The following ZDHHC14 variants were observed in gnomAD, a reference collection of about 807,000 sequenced individuals.
ZDHHC14 encodes zDHHC palmitoyltransferase 14.
A neutral mutation model predicts 47.7 loss-of-function variants in ZDHHC14; 16 were observed. The observed-to-expected ratio is 0.34, with a 90% CI of 0.23 to 0.51. The LOEUF is 0.51. Ranked by LOEUF, ZDHHC14 falls within the 20% of genes least tolerant of loss-of-function variation. The probability of loss-of-function intolerance (pLI) is 0.97; values close to 1 mark genes in which losing one functional copy is unlikely to be tolerated. For synonymous variants in ZDHHC14, 293 were observed against 278.9 expected (o/e 1.05, Z -0.50); for missense variants, 515 against 662.5 (o/e 0.78, Z 2.44).
intron 2 of ZDHHC14, among the ~76,000 whole-genome samples, chr6:157,587,288 T>C (rs1783731080): frequency 6.6e-6 from 1 of 152,220 alleles, no homozygotes. Flanking sequence ...CCTGACCTTA[T>C]CTTTGATGGA....
chr6:157,601,657 A>C (rs1375201601), intron 3 of ZDHHC14, among the ~76,000 whole-genome samples: 1 of 152,228 alleles, frequency 6.6e-6, no homozygotes, highest in East Asian at 1.9e-4. Context: ...AACAACAAAC[A>C]ATAACATTTC....
chr6:157,452,690 A>AT (rs747862336), intron 1 of ZDHHC14, among the ~76,000 whole-genome samples: 2,516 of 72,966 alleles, frequency 0.034, 404 homozygotes, highest in African/African-American at 0.066. Flanking sequence ...ATACATGGGG[A>AT]TTTTTTTTTT....
chr6:157,518,907 C>T (rs984852448), intron 1 of ZDHHC14, among the ~76,000 whole-genome samples: 1 of 152,234 alleles, frequency 6.6e-6, no homozygotes, highest in Non-Finnish European at 1.5e-5. Context: ...GTGGGGCACA[C>T]AAACGCTACA....
intron 1 of ZDHHC14, among the ~76,000 whole-genome samples, chr6:157,440,862 T>C (rs1778548239): frequency 1.3e-5 from 2 of 152,258 alleles, no homozygotes; most frequent in South Asian, 4.1e-4. Flanking sequence ...TCTTTTGAGA[T>C]GGTGAAACTG....
chr6:157,517,060 G>A (rs143148526), intron 1 of ZDHHC14, among the ~76,000 whole-genome samples: 1,648 of 152,234 alleles, frequency 0.011, 18 homozygotes, highest in Non-Finnish European at 0.018. Flanking sequence ...GGTTGTACCC[G>A]GGAAGCAGAC....
At chr6:157,567,007 T>G (rs1327661421) in intron 2 of ZDHHC14, among the ~76,000 whole-genome samples, 1 of 151,980 alleles carries the variant, frequency 6.6e-6, no homozygotes, top group East Asian at 1.9e-4. Context: ...TGTGCCTCCA[T>G]GCCCAGCTAA....
chr6:157,527,368 A>G (rs149011327), intron 1 of ZDHHC14, among the ~76,000 whole-genome samples: 3 of 152,300 alleles, frequency 2.0e-5, no homozygotes, highest in Non-Finnish European at 2.9e-5. Flanking sequence ...TCCTTTGCTC[A>G]ACTGACCTGT....
intron 5 of ZDHHC14, among the ~76,000 whole-genome samples, chr6:157,643,813 T>G (rs1225767612): frequency 2.0e-5 from 3 of 151,400 alleles, no homozygotes; most frequent in Admixed American, 2.0e-4. Context: ...TTGTCACTGC[T>G]CGTACATGCC....
intron 1 of ZDHHC14, among the ~76,000 whole-genome samples, chr6:157,426,876 G>A (rs534199344): frequency 2.0e-5 from 3 of 152,348 alleles, no homozygotes; most frequent in East Asian, 1.9e-4. Context: ...CCGTGGAAAC[G>A]GAGACTTCAT....
chr6:157,547,086 A>G (rs535586491), intron 2 of ZDHHC14, among the ~76,000 whole-genome samples: 1 of 152,358 alleles, frequency 6.6e-6, no homozygotes, highest in East Asian at 1.9e-4. Flanking sequence ...GCGTTGTGGC[A>G]GAATCTGAAG....
intron 7 of ZDHHC14, among the ~76,000 whole-genome samples, chr6:157,650,492 G>A (rs968669822): frequency 7.2e-5 from 11 of 152,092 alleles, no homozygotes; most frequent in Non-Finnish European, 1.3e-4. Context: ...GAGCCCAGCT[G>A]CTACATTAAA....
At chr6:157,422,550 G>A (rs1043163335) in intron 1 of ZDHHC14, among the ~76,000 whole-genome samples, 1 of 152,198 alleles carries the variant, frequency 6.6e-6, no homozygotes, top group African/African-American at 2.4e-5. Context: ...ATCAGTGGCA[G>A]GTTACTGGTT....
intron 1 of ZDHHC14, among the ~76,000 whole-genome samples, chr6:157,532,234 G>T (rs952484594): frequency 6.6e-6 from 1 of 152,188 alleles, no homozygotes; most frequent in African/African-American, 2.4e-5. Flanking sequence ...AACAAGGCAG[G>T]GCATTTTCCT....
chr6:157,609,403 G>T (rs557810933), intron 3 of ZDHHC14, among the ~76,000 whole-genome samples: 1 of 152,324 alleles, frequency 6.6e-6, no homozygotes, highest in South Asian at 2.1e-4. Flanking sequence ...GCTGCTTTGT[G>T]TAGGGTGATG....
At chr6:157,480,274 C>CTTTT (rs368547618) in intron 1 of ZDHHC14, among the ~76,000 whole-genome samples, 9 of 99,814 alleles carry the variant, frequency 9.0e-5, no homozygotes, top group Non-Finnish European at 1.4e-4. Flanking sequence ...TTTTTTTTTG[C>CTTTT]TTTTTTTTTT....
intron 1 of ZDHHC14, among the ~76,000 whole-genome samples, chr6:157,462,444 G>A (rs1469411302): frequency 6.6e-6 from 1 of 152,160 alleles, no homozygotes; most frequent in East Asian, 1.9e-4. Context: ...TAAGAAAAGC[G>A]ATTTTTCTTT....
At chr6:157,568,271 A>G (rs1476404959) in intron 2 of ZDHHC14, among the ~76,000 whole-genome samples, 2 of 152,200 alleles carry the variant, frequency 1.3e-5, no homozygotes, top group Non-Finnish European at 2.9e-5. Context: ...AGAATCCTTA[A>G]AAAGAATAAA....
intron 1 of ZDHHC14, among the ~76,000 whole-genome samples, chr6:157,433,022 G>A (rs1045438699): frequency 2.6e-5 from 4 of 152,238 alleles, no homozygotes; most frequent in Non-Finnish European, 4.4e-5. Flanking sequence ...TGCTGCCGTC[G>A]CCATGGGGCT....
chr6:157,590,387 C>G (rs1783863126), intron 2 of ZDHHC14, among the ~76,000 whole-genome samples: 1 of 152,182 alleles, frequency 6.6e-6, no homozygotes, highest in East Asian at 1.9e-4. Context: ...GGGCCCCCTG[C>G]TGTGTGCAGC....
Sources: allele counts gnomAD v4.1 joint callset (sites outside exome capture counted in the v4.1 genomes callset), GRCh38; gene constraint gnomAD v4.1.1; transcripts MANE v1.5; gene names NCBI Gene and HGNC (gene_info 2026-07-23, HGNC 2026-07-21).